PIGF: variants seen among roughly 807,000 people sequenced by gnomAD.
PIGF encodes the protein phosphatidylinositol glycan anchor biosynthesis class F, also known as GPI ethanolamine phosphate transferase, stabilizing subunit.
Under a neutral mutation model 26.0 loss-of-function variants are expected in PIGF, and 23 were observed. The ratio of observed to expected loss-of-function variants is 0.88; its 90% CI spans 0.64 to 1.25. The LOEUF is 1.25. Ranked by LOEUF, PIGF falls within the 50% of genes most tolerant of loss-of-function variation. The probability of loss-of-function intolerance (pLI) is 0.00; values close to 1 mark genes in which losing one functional copy is unlikely to be tolerated. For synonymous variants in PIGF, 93 were observed against 92.6 expected, an observed-to-expected ratio of 1.00 and a Z score of -0.03; for missense variants, 278 against 249.9, an observed-to-expected ratio of 1.11 and a Z score of -0.76.
intron 5 of PIGF, among the ~76,000 whole-genome samples, chr2:46,585,611 T>G (rs1395730739): frequency 6.6e-6 from 1 of 152,216 alleles, no homozygotes; most frequent in East Asian, 1.9e-4. Context: ...TTCTGTATAT[T>G]ACATGTTTTA....
intron 4 of PIGF, among the ~76,000 whole-genome samples, chr2:46,596,995 G>A (rs1484802066): frequency 2.0e-5 from 3 of 152,056 alleles, no homozygotes; most frequent in Non-Finnish European, 2.9e-5. Flanking sequence ...GTTTGCTTAC[G>A]TACCTGTCAT....
At chr2:46,585,113 T>C (rs1292228365) in intron 5 of PIGF, among the ~76,000 whole-genome samples, 2 of 152,196 alleles carry the variant, frequency 1.3e-5, no homozygotes, top group East Asian at 3.8e-4. Flanking sequence ...AAATACATAA[T>C]TCAGCTGCAC....
chr2:46,613,455 C>T (rs1404250912), intron 3 of PIGF, among the ~76,000 whole-genome samples: 1 of 152,126 alleles, frequency 6.6e-6, no homozygotes, highest in Non-Finnish European at 1.5e-5. Context: ...AGTTTCTCTA[C>T]TCTCCCTTCT....
intron 5 of PIGF, among the ~76,000 whole-genome samples, chr2:46,584,682 CTG>C (rs997624088): frequency 9.2e-5 from 14 of 152,148 alleles, no homozygotes; most frequent in Non-Finnish European, 2.1e-4. Context: ...GCTTTGAAGA[CTG>C]TTAATGATGG....
At chr2:46,590,359 T>C (rs575923372) in intron 5 of PIGF, among the ~76,000 whole-genome samples, 17 of 152,226 alleles carry the variant, frequency 1.1e-4, no homozygotes, top group Non-Finnish European at 1.8e-4. Flanking sequence ...GAACTGTAAA[T>C]AATTAAGATA....
chr2:46,592,506 G>A lies in PIGF; in HGVS notation c.515C>T (p.Pro172Leu). The A allele has an allele frequency of 2.5e-6, 4 of 1,606,224 alleles. No homozygotes were observed. Among genetic ancestry groups the A allele is most frequent in the Non-Finnish European group, 3.4e-6 (4 of 1,172,832 alleles). The stretch of plus-strand genomic sequence containing the variant: ...TGGTCTTTCCCAATCCAGTGGAATA[G>A]GAAGTGCTCCAAGCCATGCTCCTAC... ...SFVGAWLGAL[P>L]IPLDWERPWQ... Residue 172 changes from proline (P) to leucine (L), a missense_variant, in exon 5 of 6, where the codon CCT becomes CTT. Pro to Leu is a moderately conservative substitution (Grantham distance 98, BLOSUM62 -3). Coordinates refer to ENST00000281382, the MANE Select transcript of PIGF (RefSeq NM_002643.4).
intron 2 of PIGF, chr2:46,614,396 T>C (rs903656316): frequency 1.3e-5 from 2 of 154,002 alleles, no homozygotes; most frequent in African/African-American, 4.8e-5. Context: ...ACAGAGCTTA[T>C]ACATGGTAGA....
Position 46,617,004 on chromosome 2 carries a change from C to T in PIGF, c.-56G>A, listed in dbSNP as rs1369228116. ...CCTCCCGCGGAAGGGAAGCGGGGAA[C>T]TACTGCCTCCTACCATCAGGTACGA... On this transcript the variant is annotated 5_prime_UTR_variant, in exon 1 of 6. Coordinates refer to ENST00000281382, the MANE Select transcript of PIGF (RefSeq NM_002643.4). The T allele has an allele frequency of 5.3e-6, 3 of 567,310 alleles. No individual in the cohort carries two copies. Among genetic ancestry groups the T allele is most frequent in the East Asian group, 6.2e-5 (2 of 32,108 alleles). 35.1% of individuals were successfully genotyped at this position (567,310 alleles called of 1,614,324 possible).
chr2:46,603,153 AAAG>A (rs1670111743), intron 4 of PIGF, among the ~76,000 whole-genome samples: 1 of 152,072 alleles, frequency 6.6e-6, no homozygotes, highest in African/African-American at 2.4e-5. Flanking sequence ...TAACTTCACC[AAAG>A]AAGTGAAATA....
intron 4 of PIGF, among the ~76,000 whole-genome samples, chr2:46,610,985 G>A (rs929399483): frequency 3.3e-5 from 5 of 152,162 alleles, no homozygotes; most frequent in Admixed American, 2.0e-4. Context: ...CTCCTTGCAC[G>A]AGGTGCCTTT....
chr2:46,601,310 A>C (rs1433434407), intron 4 of PIGF, among the ~76,000 whole-genome samples: 14 of 152,196 alleles, frequency 9.2e-5, no homozygotes, highest in Admixed American at 5.2e-4. Flanking sequence ...CCTTCATGAC[A>C]CTGTGCTCCA....
chr2:46,587,181 GTATTT>G (rs1302421384), intron 5 of PIGF, among the ~76,000 whole-genome samples: 1 of 152,088 alleles, frequency 6.6e-6, no homozygotes. Flanking sequence ...ATATAAATGA[GTATTT>G]TATTTTGGTC....
chr2:46,600,248 C>T (rs1203306693), intron 4 of PIGF, among the ~76,000 whole-genome samples: 1 of 152,132 alleles, frequency 6.6e-6, no homozygotes, highest in African/African-American at 2.4e-5. Flanking sequence ...GAAACCTACA[C>T]TCTATTGGTA....
At chr2:46,607,763 C>T (rs927163784) in intron 4 of PIGF, among the ~76,000 whole-genome samples, 10 of 151,808 alleles carry the variant, frequency 6.6e-5, no homozygotes, top group African/African-American at 1.9e-4. Context: ...GGCACAATCT[C>T]GGCTCGCTGC....
chr2:46,606,675 A>C (rs1183335387), intron 4 of PIGF, among the ~76,000 whole-genome samples: 2 of 152,226 alleles, frequency 1.3e-5, no homozygotes, highest in Non-Finnish European at 2.9e-5. Context: ...TGCACTTTAC[A>C]GAGTTTGAAC....
At chr2:46,591,998 G>A (rs1433711085) in intron 5 of PIGF, 1 of 1,283,348 alleles carries the variant, frequency 7.8e-7, no homozygotes, top group Middle Eastern at 2.3e-4. Flanking sequence ...AGACCACAAG[G>A]GCAATAAATA....
intron 4 of PIGF, among the ~76,000 whole-genome samples, chr2:46,597,182 CT>C (rs995431828): frequency 3.3e-5 from 5 of 152,150 alleles, no homozygotes; most frequent in African/African-American, 9.7e-5. Flanking sequence ...TCTTTTGGAT[CT>C]GCTCTTTCCT....
chr2:46,612,370 T>A, intron 3 of PIGF, 26 bp from the exon 4 acceptor site: 1 of 871,158 alleles, frequency 1.1e-6, no homozygotes, highest in South Asian at 1.8e-5. Context: ...GATTACTTTT[T>A]AAAAAAGTGT....
chr2:46,605,489 C>G (rs1348660327), intron 4 of PIGF, among the ~76,000 whole-genome samples: 2 of 152,032 alleles, frequency 1.3e-5, no homozygotes, highest in African/African-American at 4.8e-5. Flanking sequence ...TAAAATGCTC[C>G]CTGACATTTT....
Sources: allele counts gnomAD v4.1 joint callset (sites outside exome capture counted in the v4.1 genomes callset), GRCh38; gene constraint gnomAD v4.1.1; transcripts MANE v1.5; gene names NCBI Gene and HGNC (gene_info 2026-07-23, HGNC 2026-07-21).